Variants in FAM20C observed in about 807,000 individuals in gnomAD.
FAM20C encodes FAM20C golgi associated secretory pathway kinase.
A neutral mutation model predicts 51.5 loss-of-function variants in FAM20C; 40 were observed. That is an observed-to-expected ratio of 0.78 (90% CI 0.60 to 1.01). The LOEUF (loss-of-function observed/expected upper bound fraction) is 1.01, where lower values mean the gene tolerates loss of function less well. Among genes scored for constraint, FAM20C ranks in the 50% least tolerant of loss-of-function variants. The pLI is 0.00. For synonymous variants in FAM20C, 406 were observed against 380.6 expected, an observed-to-expected ratio of 1.07 and a Z score of -0.78; for missense variants, 861 against 844.7, an observed-to-expected ratio of 1.02 and a Z score of -0.24.
At chr7:256,088 T>A (rs1788580570) in intron 6 of FAM20C, 59 bp downstream of exon 6, 3 of 1,513,036 alleles carry the variant, frequency 2.0e-6, no homozygotes, top group Middle Eastern at 4.5e-4. Flanking sequence ...GAGCTGGGCC[T>A]GGGCGGGCAT....
intron 2 of FAM20C, among the ~76,000 whole-genome samples, chr7:205,517 G>A (rs1786336798): frequency 6.6e-6 from 1 of 152,210 alleles, no homozygotes; most frequent in African/African-American, 2.4e-5. Context: ...TGGGATTTCA[G>A]GCATGAGCCG....
intron 3 of FAM20C, among the ~76,000 whole-genome samples, chr7:220,758 G>C (rs1474020455): frequency 6.6e-6 from 1 of 152,244 alleles, no homozygotes; most frequent in African/African-American, 2.4e-5. Context: ...GCTCCACGTG[G>C]TGGGCAGGTC....
intron 3 of FAM20C, among the ~76,000 whole-genome samples, chr7:220,745 G>A (rs1787225248): frequency 1.3e-5 from 2 of 152,228 alleles, no homozygotes; most frequent in Admixed American, 1.3e-4. Context: ...GTGCACACAG[G>A]AAGCTCCACG....
Position 193,580 on chromosome 7 carries a change from C to T in FAM20C, c.381C>T (p.Gly127=). ...AERALRGRDP[G]ALRPHDPAHR... is the part of the protein sequence containing the mutation. ...GCGCCTTGCGGGGGCGGGATCCCGG[C>T]GCCCTAAGACCCCACGACCCCGCGC... The change falls in exon 1 of 10, where the codon GGC becomes GGT. Residue 127 remains glycine, a synonymous_variant. Coordinates refer to ENST00000313766, the MANE Select transcript of FAM20C (RefSeq NM_020223.4). The T allele has an allele frequency of 6.7e-7, 1 of 1,495,014 alleles. No homozygotes were observed. Among genetic ancestry groups the T allele is most frequent in the Non-Finnish European group, 8.9e-7 (1 of 1,120,984 alleles). 92.6% of individuals were successfully genotyped at this position (1,495,014 alleles called of 1,614,324 possible).
intron 5 of FAM20C, among the ~76,000 whole-genome samples, chr7:249,204 T>C (rs1788298670): frequency 6.6e-6 from 1 of 152,140 alleles, no homozygotes; most frequent in Non-Finnish European, 1.5e-5. Context: ...GGACCCCCGT[T>C]GTATAGTAAC....
intron 3 of FAM20C, among the ~76,000 whole-genome samples, chr7:242,995 G>A (rs138980709): frequency 0.087 from 12,490 of 144,156 alleles, 675 homozygotes; most frequent in Non-Finnish European, 0.096. Flanking sequence ...TGTGCCACCC[G>A]GGAGACCTGT....
chr7:192,584 A>G lies in FAM20C; in HGVS notation c.-616A>G, dbSNP rs960914547. Among the ~76,000 whole-genome samples, 10 of 150,634 alleles carry G rather than the reference A, an allele frequency of 6.6e-5. No individual in the cohort carries two copies. Among genetic ancestry groups the G allele is most frequent in the African/African-American group, 2.4e-4 (10 of 41,166 alleles). ...ACGCGGGGCGCCGAGAGGCTCGGCCAGGCGGGAGCTGCGCTCGGGGCGGCC... is the reference window on the plus strand; with the variant it reads ...ACGCGGGGCGCCGAGAGGCTCGGCCGGGCGGGAGCTGCGCTCGGGGCGGCC... On this transcript the variant is annotated 5_prime_UTR_variant, in exon 1 of 10. Coordinates refer to ENST00000313766, the MANE Select transcript of FAM20C (RefSeq NM_020223.4).
At chr7:255,170 G>T (rs143726047) in intron 5 of FAM20C, among the ~76,000 whole-genome samples, 2 of 152,204 alleles carry the variant, frequency 1.3e-5, no homozygotes. Context: ...GCTGCAGACC[G>T]TTTCCGCCGT....
intron 3 of FAM20C, among the ~76,000 whole-genome samples, chr7:211,787 C>A (rs543019245): frequency 3.8e-4 from 58 of 152,342 alleles, no homozygotes; most frequent in African/African-American, 1.4e-3. Context: ...GGAAAGGATA[C>A]GTCCAAGGCC....
intron 3 of FAM20C, among the ~76,000 whole-genome samples, chr7:245,359 T>A (rs149754183): frequency 6.6e-6 from 1 of 152,144 alleles, no homozygotes; most frequent in Non-Finnish European, 1.5e-5. Flanking sequence ...TCTTCCTGGA[T>A]TGGGGGCTGA....
chr7:209,594 C>T (rs968051521), intron 3 of FAM20C, among the ~76,000 whole-genome samples: 4 of 152,190 alleles, frequency 2.6e-5, no homozygotes, highest in Non-Finnish European at 4.4e-5. Flanking sequence ...CTCCGTGGCA[C>T]GCGACAGCTC....
intron 3 of FAM20C, among the ~76,000 whole-genome samples, chr7:234,539 G>A (rs1041220984): frequency 3.3e-5 from 5 of 152,186 alleles, no homozygotes; most frequent in South Asian, 2.1e-4. Flanking sequence ...GGTGTCTCTC[G>A]TGTCTGACAC....
At chr7:214,363 C>A (rs1186081201) in intron 3 of FAM20C, among the ~76,000 whole-genome samples, 1 of 152,168 alleles carries the variant, frequency 6.6e-6, no homozygotes, top group African/African-American at 2.4e-5. Context: ...AAATACAAGA[C>A]CTTTACCACA....
In FAM20C at chr7:193,781, C is replaced by T. The variant is rs759105808; in HGVS notation, c.582C>T (p.Pro194=). Residue 194 remains proline, a synonymous_variant, in exon 1 of 10, where the codon CCC becomes CCT. Transcript: ENST00000313766. ...TGAACAGCGACACCAGGCTCAGCCC[C>T]AAAGCGGCGGAGAACCCGGACTGGT... The part of the protein sequence containing the change: ...FNVNSDTRLS[P]KAAENPDWPH... 3 of 1,553,594 alleles carry T rather than the reference C, an allele frequency of 1.9e-6. No individual in the cohort carries two copies. The highest frequency in any genetic ancestry group is 4.9e-5 in the East Asian group (2 of 41,162).
At chr7:254,024 G>A (rs1038842451) in intron 5 of FAM20C, among the ~76,000 whole-genome samples, 5 of 151,952 alleles carry the variant, frequency 3.3e-5, no homozygotes, top group Non-Finnish European at 5.9e-5. Flanking sequence ...TTGATCGTTC[G>A]TTCTTACAAT....
intron 3 of FAM20C, chr7:228,118 CTCAGTCA>C (rs1787514666): frequency 7.4e-6 from 2 of 268,612 alleles, no homozygotes; most frequent in South Asian, 8.7e-5. Flanking sequence ...GGACGGCGGG[CTCAGTCA>C]GGCGCACAGG....
intron 3 of FAM20C, among the ~76,000 whole-genome samples, chr7:217,379 T>G (rs1583302305): frequency 1.8e-4 from 1 of 5,698 alleles, no homozygotes; most frequent in Non-Finnish European, 5.3e-4. Flanking sequence ...AGACTGGCTG[T>G]GGGTGAGCTC....
rs1295669806 is a variant in FAM20C at position 255,907 on chromosome 7, G to A, written c.1131G>A (p.Leu377=). The change falls in exon 6 of 10, where the codon CTG becomes CTA. Residue 377 remains leucine (L), a synonymous_variant. Coordinates refer to ENST00000313766, the MANE Select transcript of FAM20C (RefSeq NM_020223.4). The stretch of plus-strand genomic sequence containing the variant: ...ACTACTGCTCCACGGAGCACGCCCT[G>A]TGCGGGAAGCCAGACCAGATCGAGG... ...CSYYCSTEHA[L]CGKPDQIEGS... 4 of 1,536,468 alleles carry A rather than the reference G, an allele frequency of 2.6e-6. No individual in the cohort carries two copies. The highest frequency in any genetic ancestry group is 3.5e-6 in the Non-Finnish European group (4 of 1,146,876).
intron 2 of FAM20C, among the ~76,000 whole-genome samples, chr7:200,696 T>C (rs1786088216): frequency 6.6e-6 from 1 of 152,150 alleles, no homozygotes; most frequent in Admixed American, 6.5e-5. Context: ...GTGGAATAAA[T>C]AACAGTCTGG....
Sources: gnomAD v4.1 joint callset for allele counts (sites outside exome capture counted in the v4.1 genomes callset) on GRCh38, gnomAD v4.1.1 for gene constraint, MANE v1.5 for transcripts, NCBI Gene and HGNC (gene_info 2026-07-23, HGNC 2026-07-21) for gene names.